The following CALN1 variants were observed in gnomAD, a reference collection of about 807,000 sequenced individuals.
CALN1 encodes the protein calneuron 1.
CALN1 carries 17 observed loss-of-function variants against 30.6 expected under a neutral mutation model. That is an observed-to-expected ratio of 0.56 (90% confidence interval 0.38 to 0.83). The LOEUF (loss-of-function observed/expected upper bound fraction) is 0.83. Ranked by LOEUF, CALN1 falls within the 40% of genes least tolerant of loss-of-function variation. The probability of loss-of-function intolerance (pLI) is 0.00; values close to 1 mark genes in which losing one functional copy is unlikely to be tolerated. For synonymous variants in CALN1, 156 were observed against 131.4 expected, an observed-to-expected ratio of 1.19 and a Z score of -1.28; for missense variants, 291 against 354.9, an observed-to-expected ratio of 0.82 and a Z score of 1.45.
intron 5 of CALN1, among the ~76,000 whole-genome samples, chr7:71,926,522 T>C (rs956479274): frequency 1.3e-5 from 2 of 152,218 alleles, no homozygotes; most frequent in Non-Finnish European, 2.9e-5. Flanking sequence ...ATCTTGGATC[T>C]GTGATTTGAT....
In CALN1 at chr7:72,403,317, CCCT is replaced by C; in HGVS notation, c.50_52del (p.Lys17_Gly18delinsArg). On this transcript the variant is annotated inframe_deletion, in exon 2 of 7. Coordinates refer to ENST00000395275, the MANE Select transcript of CALN1 (RefSeq NM_031468.4). ...TCCCCCTCCGAGGGCTCCTCCGTCC[CCCT>C]TTTTCTCATTCTCGGGCTTCCCCTC... The C allele has an allele frequency of 6.5e-7, 1 of 1,550,168 alleles. No individual in the cohort carries two copies. The highest frequency in any genetic ancestry group is 2.0e-5 in the Admixed American group (1 of 51,028).
intron 3 of CALN1, among the ~76,000 whole-genome samples, chr7:72,115,190 TTATA>T (rs1807885851): frequency 6.8e-6 from 1 of 147,166 alleles, no homozygotes; most frequent in Non-Finnish European, 1.5e-5. Flanking sequence ...TATTATACAA[TTATA>T]TATATTAATG....
At chr7:72,386,990 T>C (rs930118536) in intron 2 of CALN1, among the ~76,000 whole-genome samples, 1 of 151,104 alleles carries the variant, frequency 6.6e-6, no homozygotes, top group East Asian at 2.0e-4. Context: ...AATGCCTCAG[T>C]AGCAATACAC....
chr7:71,947,278 C>T (rs1237583220), intron 5 of CALN1, among the ~76,000 whole-genome samples: 1 of 152,112 alleles, frequency 6.6e-6, no homozygotes, highest in African/African-American at 2.4e-5. Flanking sequence ...CCCGAACTGC[C>T]GAGATTACAG....
chr7:71,852,598 C>T (rs2116600892), intron 5 of CALN1, among the ~76,000 whole-genome samples: 1 of 151,962 alleles, frequency 6.6e-6, no homozygotes, highest in East Asian at 1.9e-4. Flanking sequence ...AGAGACTCTG[C>T]CTCAAAAGAA....
chr7:71,939,917 A>T lies in CALN1; in HGVS notation c.501+83740T>A, dbSNP rs1404996227. On this transcript the variant is annotated intron_variant, in intron 5 of 6. Coordinates refer to ENST00000395275, the MANE Select transcript of CALN1 (RefSeq NM_031468.4). ...AGTTACCAGCTGATTTACAACCCAG[A>T]CCATATCAACTCCAATGGACAGAGG... 2.6e-5 allele frequency among the ~76,000 whole-genome samples: 4 copies of T among 152,278 alleles called. No individual in the cohort carries two copies. The East Asian group carries it at 7.8e-4, about 30-fold the overall frequency.
At position 72,078,846 on chromosome 7, in the gene CALN1, G is replaced by A. The variant is rs140788979; in HGVS notation, c.388+27305C>T. 8.7e-4 allele frequency among the ~76,000 whole-genome samples: 133 copies of A among 152,308 alleles called. 1 individual carries two copies. In the East Asian group the frequency reaches 0.025, roughly 29 times the overall value. On this transcript the variant is annotated intron_variant, in intron 4 of 6. Transcript: ENST00000395275. ...AGCTACTTGGGAGGCTGAGGCAGGA[G>A]AATCGCCTGAACCTGGGAGATGGAG...
rs531685098 is a variant in CALN1, at chr7:71,788,720, T to C, written c.659-818A>G. ...TCACCCAGGCTGGAGTGCAGTGGCATGATCTTGGCTCACTACAAGCTCCAC... is the reference window on the plus strand; with the variant it reads ...TCACCCAGGCTGGAGTGCAGTGGCACGATCTTGGCTCACTACAAGCTCCAC... On this transcript the variant is annotated intron_variant, in intron 6 of 6. Coordinates refer to ENST00000395275, the MANE Select transcript of CALN1 (RefSeq NM_031468.4). Among the ~76,000 whole-genome samples the C allele has an allele frequency of 2.7e-5, 4 of 150,394 alleles. No individual in the cohort carries two copies. The East Asian group carries it at 9.3e-4, about 35-fold the overall frequency.
intron 5 of CALN1, among the ~76,000 whole-genome samples, chr7:72,020,744 T>C (rs193114006): frequency 4.8e-4 from 73 of 152,334 alleles, no homozygotes; most frequent in African/African-American, 1.6e-3. Context: ...TTGTGAGCAT[T>C]ATAGCATGTC....
intron 5 of CALN1, among the ~76,000 whole-genome samples, chr7:71,867,187 T>C (rs1233495156): frequency 1.3e-5 from 2 of 151,628 alleles, no homozygotes; most frequent in Non-Finnish European, 2.9e-5. Flanking sequence ...TTACTCAAAT[T>C]GATAGAGTAT....
intron 3 of CALN1, among the ~76,000 whole-genome samples, chr7:72,260,606 A>T (rs980375413): frequency 1.3e-5 from 2 of 152,112 alleles, no homozygotes; most frequent in African/African-American, 4.8e-5. Flanking sequence ...CTCTGAAGGG[A>T]TCTTAAAGGG....
At chr7:71,990,580 G>C (rs917509104) in intron 5 of CALN1, among the ~76,000 whole-genome samples, 4 of 151,698 alleles carry the variant, frequency 2.6e-5, no homozygotes, top group African/African-American at 9.7e-5. Context: ...AGCCTCCTCA[G>C]TAACTGTGAT....
intron 2 of CALN1, among the ~76,000 whole-genome samples, chr7:72,363,589 G>A (rs952509509): frequency 6.6e-6 from 1 of 151,908 alleles, no homozygotes; most frequent in East Asian, 1.9e-4. Flanking sequence ...ACAGAAAAAA[G>A]TATCAGTCTA....
At chr7:72,059,910 G>C (rs921836710) in intron 4 of CALN1, among the ~76,000 whole-genome samples, 4 of 152,128 alleles carry the variant, frequency 2.6e-5, no homozygotes, top group African/African-American at 9.7e-5. Context: ...AGAACGCATG[G>C]AACAGCTATT....
At chr7:71,956,363 A>T (rs1796960115) in intron 5 of CALN1, among the ~76,000 whole-genome samples, 1 of 152,100 alleles carries the variant, frequency 6.6e-6, no homozygotes, top group Admixed American at 6.6e-5. Context: ...GCACATATGT[A>T]TGCTGTAGGG....
At chr7:72,487,713 A>AAAAGAAAGAAAGAAAGAAAGAAAGAAAG in the CALN1 span, among the ~76,000 whole-genome samples, 18 of 68,702 alleles carry the variant, frequency 2.6e-4, no homozygotes, top group South Asian at 1.5e-3. Context: ...AAAAGAAAAG[A>AAAAGAAAGAAAGAAAGAAAGAAAGAAAG]AAAGAAAGAA....
intron 5 of CALN1, among the ~76,000 whole-genome samples, chr7:71,903,343 A>G (rs966612889): frequency 3.3e-5 from 5 of 152,170 alleles, no homozygotes; most frequent in South Asian, 2.1e-4. Flanking sequence ...TGTTATTGGC[A>G]TAAAAATAGA....
chr7:72,033,769 T>C (rs1801606060), intron 4 of CALN1, among the ~76,000 whole-genome samples: 1 of 152,034 alleles, frequency 6.6e-6, no homozygotes, highest in African/African-American at 2.4e-5. Context: ...GCAGAGTCAG[T>C]AGAACCTGCC....
chr7:71,780,581 G>A lies in CALN1; in HGVS notation c.*7194C>T, dbSNP rs1397279010. ...CTGTCGCAGGTAGCCGGTCCCCCGC[G>A]ACTGTTAATCTAATTCCTCACAATC... On this transcript the variant is annotated 3_prime_UTR_variant, in exon 7 of 7. Transcript: ENST00000395275. The A allele has an allele frequency of 1.3e-5, 2 of 151,698 alleles. No individual in the cohort carries two copies. The highest frequency in any genetic ancestry group is 2.4e-5 in the African/African-American group (1 of 41,272). The allele number at this position is 151,698 out of a possible 1,614,324, so 9.4% of individuals were successfully genotyped here.
Sources: gnomAD v4.1 joint callset for allele counts (sites outside exome capture counted in the v4.1 genomes callset) on GRCh38, gnomAD v4.1.1 for gene constraint, MANE v1.5 for transcripts, NCBI Gene and HGNC (gene_info 2026-07-23, HGNC 2026-07-21) for gene names.